The following SINHCAF variants were observed in gnomAD, a reference collection of about 807,000 sequenced individuals.
The protein encoded by SINHCAF is SIN3-HDAC complex-associated factor.
SINHCAF carries 3 observed loss-of-function variants against 25.8 expected under a neutral mutation model. The observed-to-expected ratio is 0.12, with a 90% CI of 0.05 to 0.30. The LOEUF is 0.30. SINHCAF is among the 10% of genes least tolerant of loss of function. The pLI is 1.00. For synonymous variants in SINHCAF, 70 were observed against 85.5 expected (o/e 0.82, Z 1.00); for missense variants, 121 against 262.3 (o/e 0.46, Z 3.72).
chr12:31,321,025 GGTGTACCT>G (rs1447673291), intron 1 of SINHCAF, among the ~76,000 whole-genome samples: 2 of 152,106 alleles, frequency 1.3e-5, no homozygotes, highest in Admixed American at 6.5e-5. Flanking sequence ...ATGTAACAGC[GGTGTACCT>G]GTGACATTAG....
intron 4 of SINHCAF, among the ~76,000 whole-genome samples, chr12:31,292,529 T>C (rs1049223693): frequency 2.6e-5 from 4 of 151,522 alleles, no homozygotes; most frequent in African/African-American, 9.7e-5. Context: ...AGAAAATATC[T>C]AGTGAGAATG....
chr12:31,283,290 TAA>T (rs1447236359), intron 5 of SINHCAF, among the ~76,000 whole-genome samples: 1 of 152,146 alleles, frequency 6.6e-6, no homozygotes, highest in African/African-American at 2.4e-5. Context: ...AATTTTTAAT[TAA>T]ATACTGAGTA....
intron 1 of SINHCAF, among the ~76,000 whole-genome samples, chr12:31,307,558 A>AAGAG (rs143612587): frequency 1.3e-5 from 2 of 150,604 alleles, no homozygotes; most frequent in Non-Finnish European, 3.0e-5. Context: ...CTGTCTAAAA[A>AAGAG]AGAGAGAGAG....
chr12:31,322,682 G>A (rs1358210576), intron 1 of SINHCAF, among the ~76,000 whole-genome samples: 6 of 151,918 alleles, frequency 3.9e-5, no homozygotes, highest in African/African-American at 2.4e-5. Context: ...ACAAAATAAT[G>A]AAAAAAAATG....
chr12:31,321,521 A>C (rs1939692855), intron 1 of SINHCAF, among the ~76,000 whole-genome samples: 2 of 152,216 alleles, frequency 1.3e-5, no homozygotes, highest in African/African-American at 4.8e-5. Context: ...TGTGAGGACA[A>C]CACAGCTAAT....
intron 4 of SINHCAF, among the ~76,000 whole-genome samples, chr12:31,290,489 T>G (rs1256744663): frequency 6.6e-6 from 1 of 152,118 alleles, no homozygotes; most frequent in Non-Finnish European, 1.5e-5. Context: ...CAGCATAAAA[T>G]TAGGTATCTA....
intron 2 of SINHCAF, among the ~76,000 whole-genome samples, chr12:31,296,046 A>T (rs922657810): frequency 1.7e-4 from 26 of 152,024 alleles, no homozygotes; most frequent in South Asian, 4.1e-4. Context: ...AATTTAATTT[A>T]AAAAAATGCT....
At chr12:31,295,411 A>G in intron 2 of SINHCAF, 78 bp from the exon 3 acceptor site, 1 of 920,782 alleles carries the variant, frequency 1.1e-6, no homozygotes, top group Non-Finnish European at 1.8e-6. Context: ...TTTTGGGGAA[A>G]AAACTGTATC....
In SINHCAF at chr12:31,281,067, T is replaced by A. The variant is rs1937769516; in HGVS notation, c.*1645A>T. 1 of 152,188 alleles carries A rather than the reference T, an allele frequency of 6.6e-6. No individual in the cohort carries two copies. The highest frequency in any genetic ancestry group is 2.4e-5 in the African/African-American group (1 of 41,446). The allele number at this position is 152,188 out of a possible 1,614,324, so 9.4% of individuals were successfully genotyped here. On this transcript the variant is annotated 3_prime_UTR_variant, in exon 6 of 6. Coordinates refer to ENST00000337682, the MANE Select transcript of SINHCAF (RefSeq NM_001135812.2). ...AGGGTGCCTATAAAAGGTGGCTTAC[T>A]CCTTATTGTTATTATACTATCCAAT... is the stretch of plus-strand genomic sequence containing the variant.
intron 5 of SINHCAF, among the ~76,000 whole-genome samples, chr12:31,283,855 T>TACACACACAC (rs57162055): frequency 0.068 from 9,595 of 140,398 alleles, 358 homozygotes; most frequent in Non-Finnish European, 0.092. Context: ...AGTTATCCAT[T>TACACACACAC]ACACACACAC....
intron 1 of SINHCAF, among the ~76,000 whole-genome samples, chr12:31,300,782 C>T (rs577276431): frequency 6.6e-6 from 1 of 152,236 alleles, no homozygotes; most frequent in South Asian, 2.1e-4. Flanking sequence ...CACCACCCTG[C>T]GCTCTTCTCC....
At chr12:31,313,732 T>G (rs1009059623) in intron 1 of SINHCAF, among the ~76,000 whole-genome samples, 7 of 152,130 alleles carry the variant, frequency 4.6e-5, no homozygotes, top group African/African-American at 1.4e-4. Flanking sequence ...CACTGCAACC[T>G]CCACCTCCTG....
In SINHCAF at chr12:31,282,671, G is replaced by C. The variant is rs1565486068; in HGVS notation, c.*41C>G. 1.3e-6 allele frequency: 2 copies of C among 1,487,146 alleles called. No individual in the cohort carries two copies. The highest frequency in any genetic ancestry group is 1.8e-6 in the Non-Finnish European group (2 of 1,106,600). The allele number at this position is 1,487,146 out of a possible 1,614,324, so 92.1% of individuals were successfully genotyped here. A position where few individuals can be genotyped will look rare whatever the true frequency, so the allele number is the denominator to read the frequency against. On this transcript the variant is annotated 3_prime_UTR_variant, in exon 6 of 6. Coordinates refer to ENST00000337682, the MANE Select transcript of SINHCAF (RefSeq NM_001135812.2). ...TAGCTTTGTGGTTTTTCAAAATTCA[G>C]ATATTTTTTTTTTTGTTCCCCTTCT...
chr12:31,298,560 G>A (rs138872198), intron 1 of SINHCAF: 4 of 303,290 alleles, frequency 1.3e-5, no homozygotes, highest in East Asian at 8.1e-5. Context: ...AAATAATGAA[G>A]CTGTACACAA....
At chr12:31,294,973 G>A (rs1938490203) in intron 3 of SINHCAF, among the ~76,000 whole-genome samples, 1 of 152,130 alleles carries the variant, frequency 6.6e-6, no homozygotes, top group South Asian at 2.1e-4. Context: ...ACTGAGTTAA[G>A]CCTAAAAACA....
intron 1 of SINHCAF, among the ~76,000 whole-genome samples, chr12:31,302,512 T>C (rs1246688893): frequency 2.0e-5 from 3 of 150,214 alleles, no homozygotes; most frequent in Non-Finnish European, 3.0e-5. Flanking sequence ...GAGACCAAGA[T>C]GGGAATCTCA....
intron 1 of SINHCAF, among the ~76,000 whole-genome samples, chr12:31,319,064 G>A (rs1412474562): frequency 6.6e-6 from 1 of 152,140 alleles, no homozygotes; most frequent in African/African-American, 2.4e-5. Context: ...AGCCTTTTCA[G>A]GGAGACTTTA....
chr12:31,289,108 A>G (rs564206815), intron 4 of SINHCAF, among the ~76,000 whole-genome samples: 2 of 152,314 alleles, frequency 1.3e-5, no homozygotes, highest in East Asian at 3.9e-4. Flanking sequence ...GAACAACAGA[A>G]ATTGCCCCAT....
intron 1 of SINHCAF, among the ~76,000 whole-genome samples, chr12:31,302,467 G>A (rs1376184368): frequency 6.7e-6 from 1 of 149,244 alleles, no homozygotes; most frequent in Non-Finnish European, 1.5e-5. Context: ...CATCTCGGAT[G>A]CCAGTCTCAT....
Sources: gnomAD v4.1 joint callset for allele counts (sites outside exome capture counted in the v4.1 genomes callset) on GRCh38, gnomAD v4.1.1 for gene constraint, MANE v1.5 for transcripts, NCBI Gene and HGNC (gene_info 2026-07-23, HGNC 2026-07-21) for gene names.